RCAN2: variants seen among roughly 807,000 people sequenced by gnomAD.
RCAN2 encodes regulator of calcineurin 2, also known as calcipressin-2.
RCAN2 carries 9 observed loss-of-function variants against 23.6 expected under a neutral mutation model. That is an observed-to-expected ratio of 0.38 (90% CI 0.23 to 0.67). The LOEUF is 0.67. RCAN2 is among the 30% of genes least tolerant of loss of function. The pLI, the probability that RCAN2 is intolerant of heterozygous loss-of-function variation, is 0.51. For missense variants in RCAN2, 273 were observed against 302.3 expected (o/e 0.90, Z 0.72); for synonymous variants, 109 against 115.7 (o/e 0.94, Z 0.37).
chr6:46,330,019 C>T (rs1256678334), intron 2 of RCAN2, among the ~76,000 whole-genome samples: 1 of 152,212 alleles, frequency 6.6e-6, no homozygotes, highest in Non-Finnish European at 1.5e-5. Flanking sequence ...TTGTCAAAGG[C>T]TCTGCTCCTT....
intron 2 of RCAN2, among the ~76,000 whole-genome samples, chr6:46,381,117 C>T (rs1765606628): frequency 6.6e-6 from 1 of 152,148 alleles, no homozygotes; most frequent in Non-Finnish European, 1.5e-5. Flanking sequence ...CTGACACATT[C>T]CGTGAAGTAT....
At chr6:46,423,019 G>T (rs1766925365) in intron 2 of RCAN2, among the ~76,000 whole-genome samples, 1 of 152,136 alleles carries the variant, frequency 6.6e-6, no homozygotes, top group Non-Finnish European at 1.5e-5. Flanking sequence ...TCCTGTGACT[G>T]TCAGGCCAGA....
chr6:46,269,409 C>T (rs963370708), intron 2 of RCAN2, among the ~76,000 whole-genome samples: 2 of 152,200 alleles, frequency 1.3e-5, no homozygotes, highest in Admixed American at 6.5e-5. Context: ...TCTTGTGTTA[C>T]AGCTGTCATA....
At chr6:46,225,364 T>A (rs1765626199) in intron 4 of RCAN2, among the ~76,000 whole-genome samples, 1 of 152,262 alleles carries the variant, frequency 6.6e-6, no homozygotes, top group Admixed American at 6.5e-5. Flanking sequence ...CCACACTGTC[T>A]TCCACAAAGG....
chr6:46,343,461 C>T (rs1027023166), intron 2 of RCAN2, among the ~76,000 whole-genome samples: 3 of 150,256 alleles, frequency 2.0e-5, no homozygotes, highest in Admixed American at 6.7e-5. Flanking sequence ...CTGCAAGCTC[C>T]GCCTCCCGGG....
At chr6:46,394,651 C>CT (rs1424155353) in intron 2 of RCAN2, among the ~76,000 whole-genome samples, 1 of 152,142 alleles carries the variant, frequency 6.6e-6, no homozygotes, top group Non-Finnish European at 1.5e-5. Context: ...CCTGTAAGGC[C>CT]TTTTGCTTTT....
intron 2 of RCAN2, among the ~76,000 whole-genome samples, chr6:46,287,061 A>G (rs1037335299): frequency 6.6e-6 from 1 of 152,030 alleles, no homozygotes; most frequent in African/African-American, 2.4e-5. Flanking sequence ...AAGAAACCTC[A>G]CTCACTGTGG....
At chr6:46,479,154 T>C (rs1194797112) in intron 1 of RCAN2, among the ~76,000 whole-genome samples, 1 of 152,244 alleles carries the variant, frequency 6.6e-6, no homozygotes, top group Admixed American at 6.5e-5. Context: ...AGACCCCTGA[T>C]GGGTGTGAAA....
At chr6:46,242,326 T>A (rs1006225302) in intron 4 of RCAN2, among the ~76,000 whole-genome samples, 1 of 152,210 alleles carries the variant, frequency 6.6e-6, no homozygotes, top group African/African-American at 2.4e-5. Flanking sequence ...AGATGAGGCC[T>A]GGATCCCCAC....
intron 1 of RCAN2, among the ~76,000 whole-genome samples, chr6:46,478,081 T>C (rs1361609499): frequency 6.6e-6 from 1 of 152,186 alleles, no homozygotes; most frequent in African/African-American, 2.4e-5. Context: ...CCAAGGATGC[T>C]ACGATGATTT....
At chr6:46,415,196 C>A (rs1025819892) in intron 2 of RCAN2, among the ~76,000 whole-genome samples, 1 of 152,176 alleles carries the variant, frequency 6.6e-6, no homozygotes, top group Non-Finnish European at 1.5e-5. Flanking sequence ...GACCACTGCA[C>A]TATCCACATG....
chr6:46,284,748 C>A (rs1484118857), intron 2 of RCAN2, among the ~76,000 whole-genome samples: 1 of 152,198 alleles, frequency 6.6e-6, no homozygotes, highest in Non-Finnish European at 1.5e-5. Context: ...GCCAGCTACT[C>A]CTGCCTACTG....
intron 2 of RCAN2, among the ~76,000 whole-genome samples, chr6:46,305,498 G>GCA (rs1763033451): frequency 6.6e-6 from 1 of 151,916 alleles, no homozygotes; most frequent in South Asian, 2.1e-4. Context: ...TTTCATCTCA[G>GCA]ACTCTGCTAG....
intron 1 of RCAN2, among the ~76,000 whole-genome samples, chr6:46,476,998 A>C (rs1018389324): frequency 6.6e-6 from 1 of 152,200 alleles, no homozygotes; most frequent in Non-Finnish European, 1.5e-5. Context: ...CCTCCAAAAA[A>C]ACATAAAAGA....
At chr6:46,350,498 GTCC>G (rs999186218) in intron 2 of RCAN2, among the ~76,000 whole-genome samples, 12 of 152,288 alleles carry the variant, frequency 7.9e-5, no homozygotes, top group African/African-American at 2.9e-4. Flanking sequence ...GGAAGTGAGT[GTCC>G]TGGAGACAGA....
chr6:46,475,351 C>T (rs980253972), intron 1 of RCAN2, among the ~76,000 whole-genome samples: 2 of 152,108 alleles, frequency 1.3e-5, no homozygotes. Context: ...AGCAGCAATT[C>T]CATTTTTTAA....
At chr6:46,281,349 G>C (rs902810103) in intron 2 of RCAN2, among the ~76,000 whole-genome samples, 1 of 152,206 alleles carries the variant, frequency 6.6e-6, no homozygotes, top group African/African-American at 2.4e-5. Context: ...ACCTTGGTTT[G>C]CTCATCAGAA....
chr6:46,305,247 A>C (rs1763025580), intron 2 of RCAN2, among the ~76,000 whole-genome samples: 1 of 152,132 alleles, frequency 6.6e-6, no homozygotes, highest in Non-Finnish European at 1.5e-5. Context: ...ACTTTGATGC[A>C]TGGTGGCTGG....
At chr6:46,462,918 G>A (rs1374589517) in intron 1 of RCAN2, among the ~76,000 whole-genome samples, 1 of 152,212 alleles carries the variant, frequency 6.6e-6, no homozygotes, top group Non-Finnish European at 1.5e-5. Context: ...TTTGCCCATA[G>A]GAATTCTGGT....
Sources: allele counts gnomAD v4.1 joint callset (sites outside exome capture counted in the v4.1 genomes callset), GRCh38; gene constraint gnomAD v4.1.1; transcripts MANE v1.5; gene names NCBI Gene and HGNC (gene_info 2026-07-23, HGNC 2026-07-21).